DMD: variants seen among roughly 807,000 people sequenced by gnomAD.
DMD encodes the protein mutant dystrophin.
Under a neutral mutation model 330.1 loss-of-function variants are expected in DMD, and 63 were observed. That is an observed-to-expected ratio of 0.19 (90% CI 0.16 to 0.24). The LOEUF (loss-of-function observed/expected upper bound fraction) is 0.24, where lower values mean the gene tolerates loss of function less well. Ranked by LOEUF, DMD falls within the 10% of genes least tolerant of loss-of-function variation. DMD has a pLI of 1.00. For synonymous variants in DMD, 1,223 were observed against 959.8 expected, an observed-to-expected ratio of 1.27 and a Z score of -5.07; for missense variants, 3,344 against 2,684.1, an observed-to-expected ratio of 1.25 and a Z score of -5.43.
intron 52 of DMD, among the ~76,000 whole-genome samples, chrX:31,721,335 T>C (rs2085458555): frequency 9.2e-6 from 1 of 108,773 alleles, no homozygotes; most frequent in Non-Finnish European, 1.9e-5. Flanking sequence ...GTGATTAACA[T>C]TTCAATCAGC....
intron 62 of DMD, among the ~76,000 whole-genome samples, chrX:31,312,462 T>A (rs1011592645): frequency 8.0e-5 from 9 of 112,491 alleles, no homozygotes; most frequent in African/African-American, 2.9e-4. Flanking sequence ...AAACAACAGA[T>A]GCTGGCTAGG....
chrX:31,299,435 A>C (rs1398103147), intron 62 of DMD, among the ~76,000 whole-genome samples: 1 of 112,084 alleles, frequency 8.9e-6, no homozygotes, highest in African/African-American at 3.2e-5. Context: ...ACCTAGGGTC[A>C]GATATTTCTG....
intron 2 of DMD, among the ~76,000 whole-genome samples, chrX:32,860,182 C>G (rs943373430): frequency 9.0e-6 from 1 of 111,330 alleles, no homozygotes; most frequent in African/African-American, 3.3e-5. Context: ...TAAAGTGAAC[C>G]AAATCAAAGT....
chrX:33,225,779 G>T (rs1224670659), intron 1 of DMD, among the ~76,000 whole-genome samples: 2 of 110,370 alleles, frequency 1.8e-5, no homozygotes, highest in African/African-American at 6.6e-5. Context: ...GAAGAGACAG[G>T]CTGCACATCG....
rs1159924967 is a variant in DMD at position 31,831,962 on chromosome X, G to T, written c.7200+4756C>A. ...TGCATTTACTTATAAATTATTAAAT[G>T]CCTCTAATATTGTTATCTTCTTTCT... On this transcript the variant is annotated intron_variant, in intron 49 of 78. Coordinates refer to ENST00000357033, the MANE Select transcript of DMD (RefSeq NM_004006.3). Among the ~76,000 whole-genome samples, 3 of 112,580 alleles carry T rather than the reference G, an allele frequency of 2.7e-5. No homozygotes were observed. In the Admixed American group the frequency reaches 2.8e-4, roughly 11 times the overall value.
chrX:33,173,626 A>T (rs1027575286), intron 1 of DMD, among the ~76,000 whole-genome samples: 1 of 111,586 alleles, frequency 9.0e-6, no homozygotes, highest in Non-Finnish European at 1.9e-5. Context: ...GGCTTAATAG[A>T]AGATCAGTTG....
At chrX:33,205,287 T>A (rs2148842958) in intron 1 of DMD, among the ~76,000 whole-genome samples, 1 of 112,801 alleles carries the variant, frequency 8.9e-6, no homozygotes, top group South Asian at 3.6e-4. Context: ...GTCACCAATT[T>A]ATTTCTAATA....
intron 21 of DMD, among the ~76,000 whole-genome samples, chrX:32,480,622 G>A (rs1022571795): frequency 9.0e-6 from 1 of 111,135 alleles, no homozygotes; most frequent in East Asian, 2.8e-4. Flanking sequence ...CACAGTATGT[G>A]TATATATGTA....
At chrX:31,975,606 C>A (rs1485333508) in intron 44 of DMD, among the ~76,000 whole-genome samples, 1 of 112,148 alleles carries the variant, frequency 8.9e-6, no homozygotes, top group Non-Finnish European at 1.9e-5. Context: ...ATTCTTTCTA[C>A]ATGATTACTA....
At chrX:31,719,015 T>C (rs1483762573) in intron 52 of DMD, among the ~76,000 whole-genome samples, 2 of 111,764 alleles carry the variant, frequency 1.8e-5, no homozygotes, top group Admixed American at 9.6e-5. Context: ...TTAGATTCAG[T>C]GCTGTTACTA....
chrX:32,904,153 GGT>G (rs1278497999), intron 2 of DMD, among the ~76,000 whole-genome samples: 1 of 111,878 alleles, frequency 8.9e-6, no homozygotes, highest in African/African-American at 3.2e-5. Context: ...AAGAGGGAAA[GGT>G]GTAGCTTGGC....
intron 54 of DMD, among the ~76,000 whole-genome samples, chrX:31,628,965 C>CA (rs1474386741): frequency 2.0e-5 from 2 of 98,065 alleles, no homozygotes; most frequent in East Asian, 7.1e-4. Context: ...TGTGGATACA[C>CA]ACACATATGC....
chrX:32,353,869 C>A (rs1341862272), intron 37 of DMD, among the ~76,000 whole-genome samples: 1 of 110,581 alleles, frequency 9.0e-6, no homozygotes, highest in Non-Finnish European at 1.9e-5. Flanking sequence ...AATTGCTTAA[C>A]AACTATTAAT....
At chrX:32,604,897 C>T (rs2149308375) in intron 12 of DMD, among the ~76,000 whole-genome samples, 1 of 109,133 alleles carries the variant, frequency 9.2e-6, no homozygotes, top group African/African-American at 3.3e-5. Flanking sequence ...TGAAATAAAT[C>T]ATAGATGACA....
chrX:31,264,867 A>G (rs1247035102), intron 62 of DMD, among the ~76,000 whole-genome samples: 1 of 112,550 alleles, frequency 8.9e-6, no homozygotes, highest in Non-Finnish European at 1.9e-5. Context: ...ACTGCCTCAG[A>G]GCTGTTCCTG....
At chrX:32,952,442 C>T (rs1157326144) in intron 2 of DMD, among the ~76,000 whole-genome samples, 2 of 111,174 alleles carry the variant, frequency 1.8e-5, no homozygotes, top group Non-Finnish European at 3.8e-5. Flanking sequence ...TTGTTCAGCT[C>T]CTTTAGCTTA....
chrX:32,699,321 A>AC, intron 7 of DMD, 28 bp from the exon 8 acceptor site: 2 of 1,145,159 alleles, frequency 1.7e-6, no homozygotes, highest in Non-Finnish European at 2.4e-6. Context: ...CTACACATCA[A>AC]TTTTTGGTTT....
intron 60 of DMD, among the ~76,000 whole-genome samples, chrX:31,398,109 C>T (rs1320916782): frequency 3.6e-5 from 4 of 112,389 alleles, no homozygotes; most frequent in Non-Finnish European, 7.5e-5. Context: ...CGCTTCATCT[C>T]ATTTAATCCT....
chrX:32,100,417 G>A (rs2096534293), intron 44 of DMD, among the ~76,000 whole-genome samples: 1 of 106,141 alleles, frequency 9.4e-6, no homozygotes, highest in African/African-American at 3.4e-5. Flanking sequence ...TAGCTACTAC[G>A]GAAAATGTAA....
Sources: gnomAD v4.1 joint callset for allele counts (sites outside exome capture counted in the v4.1 genomes callset) on GRCh38, gnomAD v4.1.1 for gene constraint, MANE v1.5 for transcripts, NCBI Gene and HGNC (gene_info 2026-07-23, HGNC 2026-07-21) for gene names.